AKAP9: variants seen among roughly 807,000 people sequenced by gnomAD.
AKAP9 encodes A-kinase anchor protein 9.
Under a neutral mutation model 488.5 loss-of-function variants are expected in AKAP9, and 311 were observed. The observed-to-expected ratio is 0.64, with a 90% CI of 0.58 to 0.70. The LOEUF (loss-of-function observed/expected upper bound fraction) is 0.70. Among genes scored for constraint, AKAP9 ranks in the 30% least tolerant of loss-of-function variants. The pLI, the probability that AKAP9 is intolerant of heterozygous loss-of-function variation, is 0.00. For synonymous variants in AKAP9, 1,462 were observed against 1,483.5 expected (o/e 0.99, Z 0.33); for missense variants, 4,215 against 4,374.5 (o/e 0.96, Z 1.03).
intron 44 of AKAP9, chr7:92,100,180 G>A (rs1029149580): frequency 9.6e-6 from 3 of 313,708 alleles, no homozygotes; most frequent in Admixed American, 9.3e-5. Context: ...TATCTCCAAA[G>A]CCAGATACTT....
At chr7:92,004,728 G>A (rs552920278) in intron 8 of AKAP9, among the ~76,000 whole-genome samples, 3,806 of 152,242 alleles carry the variant, frequency 0.025, 187 homozygotes, top group African/African-American at 0.087. Flanking sequence ...CTGAGACGAT[G>A]GGGTTTTCTA....
chr7:92,076,563 C>CT (rs1007797840), intron 28 of AKAP9, among the ~76,000 whole-genome samples: 36 of 152,294 alleles, frequency 2.4e-4, no homozygotes, highest in African/African-American at 7.7e-4. Context: ...TCCTATGACT[C>CT]TTTTCTGCTT....
intron 12 of AKAP9, among the ~76,000 whole-genome samples, chr7:92,018,372 C>G (rs1304242636): frequency 1.4e-5 from 2 of 147,962 alleles, no homozygotes; most frequent in Non-Finnish European, 3.0e-5. Context: ...CAACAGAGCT[C>G]AAGACCTCAT....
chr7:92,041,764 A>T, intron 18 of AKAP9: 1 of 321,806 alleles, frequency 3.1e-6, no homozygotes, highest in Non-Finnish European at 5.8e-6. Flanking sequence ...GCTTTTCTTC[A>T]TTGCATTTTG....
chr7:92,066,245 G>T (rs1810740884), intron 25 of AKAP9, among the ~76,000 whole-genome samples, 182 bp from the exon 26 acceptor site: 1 of 151,956 alleles, frequency 6.6e-6, no homozygotes, highest in South Asian at 2.1e-4. Context: ...GGCCAAATAG[G>T]CTATATGGCA....
At chr7:92,108,764 T>A (rs765505157) in intron 49 of AKAP9, 131 bp downstream of exon 49, 1 of 1,104,100 alleles carries the variant, frequency 9.1e-7, no homozygotes, top group South Asian at 1.3e-5. Flanking sequence ...ATTATTAAGT[T>A]AGCCAAAGCT....
Position 92,070,026 on chromosome 7 carries a change from T to A in AKAP9, c.6331-4T>A, listed in dbSNP as rs1239514545. On this transcript the variant is annotated splice_region_variant and splice_polypyrimidine_tract_variant and intron_variant, in intron 26 of 49. Coordinates refer to ENST00000356239, the MANE Select transcript of AKAP9 (RefSeq NM_005751.5). ...AATTAAATTTTTTGCCTCTTATATT[T>A]CAGGTTGAACAGTTAGCAAATCATC... 1 of 1,611,064 alleles carries A rather than the reference T, an allele frequency of 6.2e-7. No homozygotes were observed. The highest frequency in any genetic ancestry group is 1.3e-5 in the African/African-American group (1 of 74,646).
At chr7:91,976,019 C>A (rs1170974697) in intron 2 of AKAP9, among the ~76,000 whole-genome samples, 2 of 151,112 alleles carry the variant, frequency 1.3e-5, no homozygotes, top group African/African-American at 4.9e-5. Flanking sequence ...GTCTCCACCT[C>A]CCAGGTTCGA....
rs772441141 is a variant in AKAP9 at position 92,031,566 on chromosome 7, A to G, written c.4300A>G (p.Lys1434Glu). The G allele has an allele frequency of 6.2e-7, 1 of 1,612,520 alleles. No individual in the cohort carries two copies. Among genetic ancestry groups the G allele is most frequent in the Non-Finnish European group, 8.5e-7 (1 of 1,178,912 alleles). Reference sequence around the variant, plus strand: ...AACAAATATCGTTAAGTTGCTTGAAAAACAATACCAAGAACAATTAGAAGA... The same window carrying G: ...AACAAATATCGTTAAGTTGCTTGAAGAACAATACCAAGAACAATTAGAAGA... ...EETNIVKLLE[K>E]QYQEQLEEEV... The change falls in exon 16 of 50, where the codon AAA (lysine) becomes GAA (glutamate). Residue 1434 changes from lysine to glutamate, a missense_variant. By Grantham distance (56) the Lys-to-Glu change is moderately conservative. Around this residue, in one of 5 missense-constraint regions of AKAP9, gnomAD observed 2,361 missense variants for 2,430.0 expected, o/e 0.97. Transcript: ENST00000356239.
chr7:92,051,957 A>G (rs1475967439), intron 21 of AKAP9, among the ~76,000 whole-genome samples: 1 of 152,212 alleles, frequency 6.6e-6, no homozygotes, highest in Non-Finnish European at 1.5e-5. Context: ...TGGAAAGCTT[A>G]TCTTCTACCC....
Position 92,002,857 on chromosome 7 carries a change from T to C in AKAP9, c.2940T>C (p.Val980=). The part of the protein sequence containing the change: ...HGEISFLNEE[V]KSLKQEKEQV... ...AGATTAGTTTTCTAAATGAAGAAGT[T>C]AAATCTTTAAAGCAAGAGAAAGAAC... The change falls in exon 8 of 50, where the codon GTT becomes GTC. Residue 980 remains valine (V), a synonymous_variant. Coordinates refer to ENST00000356239, the MANE Select transcript of AKAP9 (RefSeq NM_005751.5). The C allele has an allele frequency of 1.9e-6, 3 of 1,613,174 alleles. No individual in the cohort carries two copies. Among genetic ancestry groups the C allele is most frequent in the Non-Finnish European group, 2.5e-6 (3 of 1,179,574 alleles).
chr7:92,095,862 A>C, intron 40 of AKAP9, among the ~76,000 whole-genome samples: 1 of 152,160 alleles, frequency 6.6e-6, no homozygotes, highest in Non-Finnish European at 1.5e-5. Context: ...GGGACATGAT[A>C]TCTCCCTAGG....
At position 92,042,765 on chromosome 7, in the gene AKAP9, A is replaced by C. The variant is rs1384299955; in HGVS notation, c.5156A>C (p.Asn1719Thr). 5.0e-6 allele frequency: 8 copies of C among 1,600,694 alleles called. No individual in the cohort carries two copies. Among genetic ancestry groups the C allele is most frequent in the African/African-American group, 1.3e-5 (1 of 74,622 alleles). Residue 1719 changes from asparagine (N) to threonine (T), a missense_variant, in exon 20 of 50, where the codon AAT becomes ACT. Around this residue, in one of 5 missense-constraint regions of AKAP9, gnomAD observed 2,361 missense variants for 2,430.0 expected, o/e 0.97. Coordinates refer to ENST00000356239, the MANE Select transcript of AKAP9 (RefSeq NM_005751.5). ...PEDVPPEILS[N>T]ERYALQKANN... ...GATGTGCCTCCTGAGATTTTGTCTA[A>C]TGAAAGGTATACAAAATGTGTACTT...
chr7:92,072,134 G>A (rs534345087), intron 28 of AKAP9, among the ~76,000 whole-genome samples: 2 of 152,258 alleles, frequency 1.3e-5, no homozygotes, highest in East Asian at 1.9e-4. Flanking sequence ...ATAGTTGACT[G>A]TGGATAATTG....
chr7:91,980,893 C>T lies in AKAP9; in HGVS notation c.351+560C>T, dbSNP rs545398084. Among the ~76,000 whole-genome samples, 3 of 151,876 alleles carry T rather than the reference C, an allele frequency of 2.0e-5. No homozygotes were observed. In the East Asian group the frequency reaches 5.8e-4, roughly 29 times the overall value. The stretch of plus-strand genomic sequence containing the variant: ...TTTAGATGTGATTGTCATTTCTTTA[C>T]TCCAGAATTTGAGGAGACTATAAAC... On this transcript the variant is annotated intron_variant, in intron 3 of 49. Coordinates refer to ENST00000356239, the MANE Select transcript of AKAP9 (RefSeq NM_005751.5).
At chr7:91,956,953 A>G (rs1250639103) in intron 1 of AKAP9, among the ~76,000 whole-genome samples, 1 of 152,158 alleles carries the variant, frequency 6.6e-6, no homozygotes, top group East Asian at 1.9e-4. Flanking sequence ...TTTGAAAAGT[A>G]TGTAAGTTGC....
intron 8 of AKAP9, among the ~76,000 whole-genome samples, chr7:92,008,346 G>T (rs1019553684): frequency 6.6e-6 from 1 of 151,174 alleles, no homozygotes; most frequent in African/African-American, 2.4e-5. Context: ...CAGCCTAGGC[G>T]ACAGAAAAAA....
At chr7:91,999,417 G>T (rs1231070142) in intron 7 of AKAP9, among the ~76,000 whole-genome samples, 1 of 151,888 alleles carries the variant, frequency 6.6e-6, no homozygotes, top group African/African-American at 2.4e-5. Context: ...GTAGAGACAG[G>T]GTTTCACCAT....
intron 15 of AKAP9, 82 bp downstream of exon 15, chr7:92,030,073 T>C (rs1803969692): frequency 1.0e-6 from 1 of 968,518 alleles, no homozygotes; most frequent in Admixed American, 2.2e-5. Flanking sequence ...TACTATCTAA[T>C]AAATAGTTGC....
Sources: allele counts gnomAD v4.1 joint callset (sites outside exome capture counted in the v4.1 genomes callset), GRCh38; gene constraint gnomAD v4.1.1; regional missense constraint gnomAD v4.1.1; transcripts MANE v1.5; gene names NCBI Gene and HGNC (gene_info 2026-07-23, HGNC 2026-07-21).